SERINC2: variants seen among roughly 807,000 people sequenced by gnomAD.
The protein encoded by SERINC2 is serine incorporator 2.
A neutral mutation model predicts 54.2 loss-of-function variants in SERINC2; 56 were observed. The ratio of observed to expected loss-of-function variants is 1.03; its 90% CI spans 0.83 to 1.29. The LOEUF (loss-of-function observed/expected upper bound fraction) is 1.29. Among genes scored for constraint, SERINC2 ranks in the 50% most tolerant of loss-of-function variants. The pLI, the probability that SERINC2 is intolerant of heterozygous loss-of-function variation, is 0.00. For synonymous variants in SERINC2, 272 were observed against 253.1 expected (o/e 1.07, Z -0.71); for missense variants, 614 against 607.4 (o/e 1.01, Z -0.12).
At chr1:31,428,326 C>T (rs1641098608) in intron 6 of SERINC2, among the ~76,000 whole-genome samples, 1 of 152,226 alleles carries the variant, frequency 6.6e-6, no homozygotes, top group Non-Finnish European at 1.5e-5. Flanking sequence ...AGGCATGAGC[C>T]GCCATGCCTA....
chr1:31,414,308 T>C, intron 1 of SERINC2: 1 of 1,296,442 alleles, frequency 7.7e-7, no homozygotes, highest in Non-Finnish European at 9.7e-7. Context: ...AAATCTGAGG[T>C]TCATTCAGGC....
chr1:31,426,627 T>C (rs782155755), intron 5 of SERINC2, 27 bp from the exon 6 acceptor site: 2 of 1,580,570 alleles, frequency 1.3e-6, no homozygotes, highest in Non-Finnish European at 1.7e-6. Context: ...ACCCACTGCC[T>C]ACCCTCTCAC....
In SERINC2 at chr1:31,425,854, C is replaced by T. The variant is rs1316515358; in HGVS notation, c.551C>T (p.Ser184Phe). 2 of 1,613,676 alleles carry T rather than the reference C, an allele frequency of 1.2e-6. No individual in the cohort carries two copies. The highest frequency in any genetic ancestry group is 3.3e-5 in the Admixed American group (2 of 60,018). ...GTGCTGCTCATCGACTTTGCGCACT[C>T]CTGGAACCAGCGGTGGCTGGGCAAG... Reference protein sequence around the residue: ...QLVLLIDFAHSWNQRWLGKAE... With the variant: ...QLVLLIDFAHFWNQRWLGKAE... The change falls in exon 5 of 10, where the codon TCC becomes TTC. Residue 184 changes from serine (S) to phenylalanine (F), a missense_variant. Transcript: ENST00000373709.
chr1:31,428,084 G>A (rs1641092893), intron 6 of SERINC2, among the ~76,000 whole-genome samples: 2 of 151,704 alleles, frequency 1.3e-5, no homozygotes, highest in Admixed American at 1.3e-4. Context: ...CACTTAGGCT[G>A]GAGTGCAGTG....
intron 8 of SERINC2, among the ~76,000 whole-genome samples, chr1:31,430,132 C>T (rs914822574): frequency 6.6e-6 from 1 of 152,144 alleles, no homozygotes; most frequent in African/African-American, 2.4e-5. Context: ...TTTAGGCCTC[C>T]ATTTCCTTGT....
intron 8 of SERINC2, among the ~76,000 whole-genome samples, chr1:31,430,362 C>A (rs1485408433): frequency 6.6e-6 from 1 of 151,384 alleles, no homozygotes; most frequent in Non-Finnish European, 1.5e-5. Flanking sequence ...TAAAAATTAA[C>A]AAAACAAAAC....
chr1:31,425,702 A>T, intron 4 of SERINC2, 74 bp from the exon 5 acceptor site: 4 of 1,539,914 alleles, frequency 2.6e-6, no homozygotes, highest in South Asian at 1.2e-5. Flanking sequence ...TGCAGGGTGT[A>T]GCAGAAAACG....
intron 1 of SERINC2, chr1:31,414,089 G>C: frequency 4.8e-6 from 7 of 1,470,286 alleles, no homozygotes; most frequent in Non-Finnish European, 6.3e-6. Context: ...GGACCACCGG[G>C]CGGAACTCTG....
Position 31,434,379 on chromosome 1 carries a change from C to G in SERINC2, c.*180C>G. The G allele has an allele frequency of 3.2e-6, 2 of 621,740 alleles. No homozygotes were observed. The highest frequency in any genetic ancestry group is 2.8e-5 in the East Asian group (1 of 35,822). 38.5% of individuals were successfully genotyped at this position (621,740 alleles called of 1,614,324 possible). On this transcript the variant is annotated 3_prime_UTR_variant, in exon 10 of 10. Transcript: ENST00000373709. ...CGTAGTGCCTTCAGGGTCCGAGGAG[C>G]ATCAGGCTCCTGCAGAGCCCCATCC...
chr1:31,433,656 G>C (rs1317587009), intron 9 of SERINC2, among the ~76,000 whole-genome samples: 1 of 152,204 alleles, frequency 6.6e-6, no homozygotes, highest in Non-Finnish European at 1.5e-5. Context: ...AGCCAGGATT[G>C]AAGTGGCAAG....
At chr1:31,425,284 C>G (rs782749499) in intron 3 of SERINC2, 46 bp from the exon 4 acceptor site, 1 of 1,413,584 alleles carries the variant, frequency 7.1e-7, no homozygotes, top group Non-Finnish European at 1.0e-6. Context: ...TCCAGTTTCC[C>G]TGCCTGCACT....
At chr1:31,432,077 GGGTGGTTAGGGTGGACAGGGTGGAC>G (rs1557501010) in intron 8 of SERINC2, among the ~76,000 whole-genome samples, 5 of 121,478 alleles carry the variant, frequency 4.1e-5, no homozygotes, top group Admixed American at 8.2e-5. Flanking sequence ...AGGGTGGACA[GGGTGGTTAGGGTGGACAGGGTGGAC>G]AGGGTGGATA....
chr1:31,433,977 G>T (rs1326859713), intron 9 of SERINC2, 87 bp from the exon 10 acceptor site: 7 of 1,371,918 alleles, frequency 5.1e-6, no homozygotes, highest in Admixed American at 1.9e-5. Context: ...TTGAAGTCAG[G>T]GGTCATAACT....
intron 9 of SERINC2, among the ~76,000 whole-genome samples, 187 bp downstream of exon 9, chr1:31,433,372 G>C (rs1416189403): frequency 6.6e-6 from 1 of 152,126 alleles, no homozygotes; most frequent in African/African-American, 2.4e-5. Flanking sequence ...GCCTTCATCT[G>C]CTCAGCTCCC....
chr1:31,414,076 C>T, intron 1 of SERINC2: 1 of 1,483,840 alleles, frequency 6.7e-7, no homozygotes, highest in Non-Finnish European at 8.9e-7. Flanking sequence ...TGCGGGTCGT[C>T]ACGGACCACC....
At chr1:31,431,796 T>TAGGGTGGATAGGATGGTTAGGGTGGAC (rs1557499813) in intron 8 of SERINC2, among the ~76,000 whole-genome samples, 1 of 10,926 alleles carries the variant, frequency 9.2e-5, no homozygotes, top group Admixed American at 1.1e-3. Context: ...ATAGGGTGGA[T>TAGGGTGGATAGGATGGTTAGGGTGGAC]AGGGTGGACA....
intron 8 of SERINC2, among the ~76,000 whole-genome samples, chr1:31,431,618 G>T (rs1263584141): frequency 6.6e-6 from 1 of 152,246 alleles, no homozygotes; most frequent in Non-Finnish European, 1.5e-5. Context: ...ACTGCTGAGA[G>T]CCCAGGGGCA....
At chr1:31,423,593 G>A in intron 1 of SERINC2, 100 bp from the exon 2 acceptor site, 1 of 1,251,548 alleles carries the variant, frequency 8.0e-7, no homozygotes, top group Non-Finnish European at 1.1e-6. Flanking sequence ...GTGTGCTCCT[G>A]CCTAGCGCAG....
intron 1 of SERINC2, among the ~76,000 whole-genome samples, chr1:31,416,844 C>T (rs559093106): frequency 5.9e-5 from 9 of 152,250 alleles, no homozygotes; most frequent in South Asian, 4.1e-4. Context: ...CTCAGCCTCC[C>T]GAGTAGCTGG....
Sources: gnomAD v4.1 joint callset for allele counts (sites outside exome capture counted in the v4.1 genomes callset) on GRCh38, gnomAD v4.1.1 for gene constraint, MANE v1.5 for transcripts, NCBI Gene and HGNC (gene_info 2026-07-23, HGNC 2026-07-21) for gene names.